ARHGEF10L: variants seen among roughly 807,000 people sequenced by gnomAD.
The protein encoded by ARHGEF10L is rho guanine nucleotide exchange factor 10-like protein.
In ARHGEF10L, 69 loss-of-function variants were observed where a neutral mutation model predicts 141.2. That is an observed-to-expected ratio of 0.49 (90% CI 0.40 to 0.60). ARHGEF10L has a LOEUF of 0.60. Ranked by LOEUF, ARHGEF10L falls within the 20% of genes least tolerant of loss-of-function variation. The probability of loss-of-function intolerance (pLI) is 0.00; values close to 1 mark genes in which losing one functional copy is unlikely to be tolerated. For missense variants in ARHGEF10L, 1,482 were observed against 1,734.3 expected (o/e 0.85, Z 2.58); for synonymous variants, 711 against 718.5 (o/e 0.99, Z 0.17).
Position 17,619,475 on chromosome 1 carries a change from C to T in ARHGEF10L, c.942+30C>T. The T allele has an allele frequency of 7.1e-7, 1 of 1,409,092 alleles. No individual in the cohort carries two copies. Among genetic ancestry groups the T allele is most frequent in the Non-Finnish European group, 9.7e-7 (1 of 1,033,404 alleles). 87.3% of individuals were successfully genotyped at this position (1,409,092 alleles called of 1,614,324 possible). On this transcript the variant is annotated intron_variant, in intron 10 of 28. Coordinates refer to ENST00000361221, the MANE Select transcript of ARHGEF10L (RefSeq NM_018125.4). The surrounding 1 kb of genome is among the most constrained non-coding windows in gnomAD (Gnocchi z 5.0). Reference sequence around the variant, plus strand: ...GTGGGGGAGTGGGGCAGGTGGGGGTCTGCAGGGGAAGGGGTGGCTTGGGGG... The same window carrying T: ...GTGGGGGAGTGGGGCAGGTGGGGGTTTGCAGGGGAAGGGGTGGCTTGGGGG...
At chr1:17,514,858 G>A in the ARHGEF10L span, among the ~76,000 whole-genome samples, 2 of 152,154 alleles carry the variant, frequency 1.3e-5, no homozygotes, top group Non-Finnish European at 2.9e-5. Flanking sequence ...GCTGGAGGTG[G>A]GGGAGGAGGG....
chr1:17,588,529 C>A, intron 4 of ARHGEF10L, 50 bp downstream of exon 4: 1 of 1,611,016 alleles, frequency 6.2e-7, no homozygotes, highest in Non-Finnish European at 8.5e-7. Flanking sequence ...AGGGAGACAC[C>A]GGGCAGTGGG....
rs540125198 is a variant in ARHGEF10L at position 17,654,749 on chromosome 1, C to T, written c.2481+27C>T. 1.9e-6 allele frequency: 3 copies of T among 1,602,196 alleles called. No homozygotes were observed. The highest frequency in any genetic ancestry group is 1.7e-5 in the Admixed American group (1 of 60,004). On this transcript the variant is annotated intron_variant, in intron 23 of 28. Coordinates refer to ENST00000361221, the MANE Select transcript of ARHGEF10L (RefSeq NM_018125.4). The surrounding 1 kb of genome is among the most constrained non-coding windows in gnomAD (Gnocchi z 4.3). Reference sequence around the variant, plus strand: ...TGAGTCACCCCCCTGCCCAGCTGGGCATTCTGGCCTCAGGACAGGAGTAGG... The same window carrying T: ...TGAGTCACCCCCCTGCCCAGCTGGGTATTCTGGCCTCAGGACAGGAGTAGG...
Position 17,540,357 on chromosome 1 carries a change from G to T in ARHGEF10L, c.-44+407G>T, listed in dbSNP as rs186769255. ...CTGGGATCGGGTGAAGTCAGGGAGT[G>T]CCCCTGTCGCCTCTGTGGTGAGTCA... On this transcript the variant is annotated intron_variant, in intron 1 of 28. Transcript: ENST00000361221. Among the ~76,000 whole-genome samples, 15 of 151,872 alleles carry T rather than the reference G, an allele frequency of 9.9e-5. No individual in the cohort carries two copies. The East Asian group carries it at 2.7e-3, about 28-fold the overall frequency.
At chr1:17,620,239 A>G (rs2060035660) in intron 10 of ARHGEF10L, among the ~76,000 whole-genome samples, 1 of 149,590 alleles carries the variant, frequency 6.7e-6, no homozygotes, top group Non-Finnish European at 1.5e-5. Flanking sequence ...TCCTTCTTGT[A>G]GAGCATCGTG....
chr1:17,646,195 C>T (rs1230552838), intron 21 of ARHGEF10L, among the ~76,000 whole-genome samples: 2 of 152,228 alleles, frequency 1.3e-5, no homozygotes, highest in Non-Finnish European at 2.9e-5. Context: ...AGCATCCTCA[C>T]CTGCCACCTC....
At chr1:17,660,525 G>T (rs944211215) in intron 25 of ARHGEF10L, among the ~76,000 whole-genome samples, 1 of 152,220 alleles carries the variant, frequency 6.6e-6, no homozygotes, top group Non-Finnish European at 1.5e-5. Flanking sequence ...CATCATCACA[G>T]TCGCTATTTA....
intron 26 of ARHGEF10L, among the ~76,000 whole-genome samples, chr1:17,668,320 C>T (rs1163292892): frequency 1.3e-5 from 2 of 152,246 alleles, no homozygotes; most frequent in South Asian, 2.1e-4. Flanking sequence ...GGAAGACAGC[C>T]TTCCTCCTGC....
intron 21 of ARHGEF10L, among the ~76,000 whole-genome samples, chr1:17,645,600 G>A (rs949257448): frequency 1.3e-5 from 2 of 152,088 alleles, no homozygotes; most frequent in Non-Finnish European, 2.9e-5. Context: ...TTCCTTGAGA[G>A]CAGGGACAAG....
At chr1:17,637,461 G>A (rs144644788) in intron 18 of ARHGEF10L, among the ~76,000 whole-genome samples, 4 of 152,242 alleles carry the variant, frequency 2.6e-5, no homozygotes, top group Middle Eastern at 3.4e-3. Flanking sequence ...TAGTCTGGGC[G>A]CTCTGGTCAG....
intron 17 of ARHGEF10L, 97 bp downstream of exon 17, chr1:17,634,659 G>A (rs2101730009): frequency 1.3e-6 from 2 of 1,537,492 alleles, no homozygotes; most frequent in Non-Finnish European, 1.8e-6. Context: ...CTGGGCGCCT[G>A]GTGCTTCTAC....
In ARHGEF10L at chr1:17,696,912, C is replaced by A; in HGVS notation, c.3372C>A (p.Ser1124Arg). The change falls in exon 29 of 29, where the codon AGC becomes AGA. Residue 1124 changes from serine to arginine, a missense_variant. Ser to Arg is a moderately radical substitution (Grantham distance 110). Transcript: ENST00000361221. Reference sequence around the variant, plus strand: ...TGGCCTTCCTGGCTGTGGCTACCAGCATCCTGGCCCCTGACATCCTGCGGA... The same window carrying A: ...TGGCCTTCCTGGCTGTGGCTACCAGAATCCTGGCCCCTGACATCCTGCGGA... ...GPVAFLAVATSILAPDILRSD... is the reference protein window; with the variant it reads ...GPVAFLAVATRILAPDILRSD... 1 of 1,607,906 alleles carries A rather than the reference C, an allele frequency of 6.2e-7. No homozygotes were observed. Among genetic ancestry groups the A allele is most frequent in the Non-Finnish European group, 8.5e-7 (1 of 1,176,942 alleles).
chr1:17,653,607 C>T (rs751509430), intron 22 of ARHGEF10L, among the ~76,000 whole-genome samples: 9 of 152,246 alleles, frequency 5.9e-5, no homozygotes, highest in Admixed American at 1.3e-4. Context: ...TAGCGAAGCC[C>T]CCTGCTCTGA....
At chr1:17,537,871 A>G (rs995078925), upstream of ARHGEF10L, among the ~76,000 whole-genome samples, 39 of 151,180 alleles carry the variant, frequency 2.6e-4, no homozygotes, top group East Asian at 7.8e-4. Flanking sequence ...AAAAAAAAAA[A>G]AAAGAAAGAA....
Position 17,648,494 on chromosome 1 carries a change from A to G in ARHGEF10L, c.2273-60A>G, listed in dbSNP as rs143870921. ...CTCCCTGGGGCTTGGAGGGCTCCTCATGGCCCAGTTGGTCCTTGGACTCTG... is the reference window on the plus strand; with the variant it reads ...CTCCCTGGGGCTTGGAGGGCTCCTCGTGGCCCAGTTGGTCCTTGGACTCTG... On this transcript the variant is annotated intron_variant, in intron 21 of 28. Transcript: ENST00000361221. 4.9e-3 allele frequency: 7,840 copies of G among 1,593,712 alleles called. 34 individuals are homozygous for G. The highest frequency in any genetic ancestry group is 7.6e-3 in the Middle Eastern group (38 of 4,970).
chr1:17,667,342 C>T (rs2063048916), intron 26 of ARHGEF10L, among the ~76,000 whole-genome samples: 1 of 152,206 alleles, frequency 6.6e-6, no homozygotes, highest in African/African-American at 2.4e-5. Context: ...ACACAGCCTG[C>T]CCTTGGAGGG....
Position 17,573,356 on chromosome 1 carries a change from C to A in ARHGEF10L, c.-43-7197C>A, listed in dbSNP as rs1443633388. On this transcript the variant is annotated intron_variant, in intron 1 of 28. Transcript: ENST00000361221. This position sits in a 1 kb window ranked among gnomAD's most constrained non-coding sequence, Gnocchi z 4.8. ...CGAGTTGATGGCACACAGTATGTGTCATGCCAGCTGCTGTCCCCTCTCTGG... is the reference window on the plus strand; with the variant it reads ...CGAGTTGATGGCACACAGTATGTGTAATGCCAGCTGCTGTCCCCTCTCTGG... 6.6e-6 allele frequency among the ~76,000 whole-genome samples: 1 copy of A among 152,200 alleles called. No homozygotes were observed. Among genetic ancestry groups the A allele is most frequent in the African/African-American group, 2.4e-5 (1 of 41,454 alleles).
intron 23 of ARHGEF10L, among the ~76,000 whole-genome samples, chr1:17,655,474 TCC>T (rs1557947764): frequency 5.0e-5 from 6 of 119,216 alleles, no homozygotes; most frequent in African/African-American, 1.6e-4. Context: ...CATCCATCCA[TCC>T]ATCTATCCAT....
At chr1:17,514,517 C>T in the ARHGEF10L span, among the ~76,000 whole-genome samples, 1 of 152,128 alleles carries the variant, frequency 6.6e-6, no homozygotes, top group Non-Finnish European at 1.5e-5. Flanking sequence ...ATCACTATGC[C>T]TGCTGGGATC....
Sources: allele counts gnomAD v4.1 joint callset (sites outside exome capture counted in the v4.1 genomes callset), GRCh38; gene constraint gnomAD v4.1.1; non-coding constraint Gnocchi (gnomAD v3.1); transcripts MANE v1.5; gene names NCBI Gene and HGNC (gene_info 2026-07-23, HGNC 2026-07-21).